Variants in RNF125 observed in about 807,000 individuals in gnomAD.
The protein encoded by RNF125 is ring finger protein 125.
In RNF125, 21 loss-of-function variants were observed where a neutral mutation model predicts 26.0. The ratio of observed to expected loss-of-function variants is 0.81; its 90% CI spans 0.57 to 1.16. RNF125 has a LOEUF of 1.16. Ranked by LOEUF, RNF125 falls within the 50% of genes most tolerant of loss-of-function variation. The pLI, the probability that RNF125 is intolerant of heterozygous loss-of-function variation, is 0.00. For missense variants in RNF125, 270 were observed against 299.4 expected (o/e 0.90, Z 0.72); for synonymous variants, 95 against 109.2 (o/e 0.87, Z 0.81).
At chr18:32,083,066 T>C in the RNF125 span, among the ~76,000 whole-genome samples, 1 of 152,250 alleles carries the variant, frequency 6.6e-6, no homozygotes, top group Admixed American at 6.5e-5. Flanking sequence ...GGTTCTCTGC[T>C]TTACTTTATT....
the RNF125 span, among the ~76,000 whole-genome samples, chr18:32,081,144 A>C: frequency 6.6e-6 from 1 of 150,650 alleles, no homozygotes; most frequent in Non-Finnish European, 1.5e-5. Context: ...CAGTGAGCCA[A>C]GATCTCGCCA....
chr18:32,019,415 C>T (rs1354992293), intron 1 of RNF125, among the ~76,000 whole-genome samples: 1 of 152,100 alleles, frequency 6.6e-6, no homozygotes, highest in Non-Finnish European at 1.5e-5. Context: ...AGCTACAAGG[C>T]AGGGGCTCCC....
At chr18:32,044,151 C>T (rs1212302127) in intron 3 of RNF125, among the ~76,000 whole-genome samples, 1 of 152,062 alleles carries the variant, frequency 6.6e-6, no homozygotes, top group African/African-American at 2.4e-5. Context: ...GGATTACAGG[C>T]GTGTGCCACC....
At chr18:32,033,033 C>T (rs2039114472) in intron 1 of RNF125, among the ~76,000 whole-genome samples, 1 of 152,132 alleles carries the variant, frequency 6.6e-6, no homozygotes, top group Non-Finnish European at 1.5e-5. Context: ...TGACGATACA[C>T]AATGTAGAAA....
At chr18:32,026,242 CT>C (rs1181390375) in intron 1 of RNF125, among the ~76,000 whole-genome samples, 68 of 73,142 alleles carry the variant, frequency 9.3e-4, no homozygotes, top group African/African-American at 1.7e-3. Flanking sequence ...AGCACCCGGT[CT>C]TTTTTTTTTT....
chr18:32,073,304 T>C (rs2039548753), downstream of RNF125: 1 of 152,224 alleles, frequency 6.6e-6, no homozygotes, highest in Non-Finnish European at 1.5e-5. Flanking sequence ...TGTACATTCA[T>C]TTAGGCCAGT....
chr18:32,068,209 C>T, intron 5 of RNF125, 89 bp from the exon 6 acceptor site: 1 of 691,018 alleles, frequency 1.4e-6, no homozygotes, highest in Non-Finnish European at 2.5e-6. Flanking sequence ...TAGTTCCCTA[C>T]AAAATGAGGG....
chr18:32,035,044 A>G (rs1447094556), intron 1 of RNF125, among the ~76,000 whole-genome samples: 1 of 152,166 alleles, frequency 6.6e-6, no homozygotes, highest in Non-Finnish European at 1.5e-5. Context: ...CACTGTGTGC[A>G]GTGTTCAACT....
intron 4 of RNF125, among the ~76,000 whole-genome samples, chr18:32,051,870 A>G (rs915533315): frequency 6.6e-6 from 1 of 151,138 alleles, no homozygotes; most frequent in Non-Finnish European, 1.5e-5. Context: ...TTGCATTTTT[A>G]GTAGAGTTGG....
At chr18:32,079,524 T>G in the RNF125 span, among the ~76,000 whole-genome samples, 2 of 152,222 alleles carry the variant, frequency 1.3e-5, no homozygotes, top group African/African-American at 4.8e-5. Context: ...AGCAAAATTA[T>G]AATGAAGAAA....
At chr18:32,078,984 A>G in the RNF125 span, among the ~76,000 whole-genome samples, 4 of 152,318 alleles carry the variant, frequency 2.6e-5, no homozygotes, top group African/African-American at 9.6e-5. Context: ...TCCCTTGACC[A>G]TACATCTATT....
chr18:32,084,664 T>G, the RNF125 span, among the ~76,000 whole-genome samples: 2 of 152,196 alleles, frequency 1.3e-5, no homozygotes, highest in African/African-American at 4.8e-5. Flanking sequence ...TATCAGAATC[T>G]CAGTTCCACA....
At chr18:32,056,954 A>G (rs964775110) in intron 4 of RNF125, among the ~76,000 whole-genome samples, 2 of 152,166 alleles carry the variant, frequency 1.3e-5, no homozygotes, top group African/African-American at 4.8e-5. Context: ...GAGCTAATAA[A>G]GATTTTTACA....
At chr18:32,065,626 G>A (rs2039477178) in intron 4 of RNF125, among the ~76,000 whole-genome samples, 1 of 151,644 alleles carries the variant, frequency 6.6e-6, no homozygotes, top group Non-Finnish European at 1.5e-5. Flanking sequence ...CTCTGCCTCC[G>A]GGTTCAAGCA....
At chr18:32,068,227 T>C (rs1440339921) in intron 5 of RNF125, 71 bp from the exon 6 acceptor site, 1 of 820,618 alleles carries the variant, frequency 1.2e-6, no homozygotes, top group Non-Finnish European at 2.0e-6. Context: ...GGGTGTTGCA[T>C]TGACCCTCAT....
At chr18:32,037,852 G>A (rs1334801989) in intron 2 of RNF125, among the ~76,000 whole-genome samples, 2 of 152,092 alleles carry the variant, frequency 1.3e-5, no homozygotes, top group Non-Finnish European at 2.9e-5. Context: ...GTAGCCAATC[G>A]CAGGGAGGAT....
chr18:32,063,745 G>A (rs1473715898), intron 4 of RNF125, among the ~76,000 whole-genome samples: 2 of 152,132 alleles, frequency 1.3e-5, no homozygotes, highest in Non-Finnish European at 2.9e-5. Flanking sequence ...CAGTAATAAG[G>A]AGGGAGCTAT....
intron 4 of RNF125, among the ~76,000 whole-genome samples, chr18:32,062,309 C>T (rs2039442531): frequency 6.6e-6 from 1 of 152,164 alleles, no homozygotes; most frequent in Admixed American, 6.6e-5. Context: ...TAAGCAGGTT[C>T]CTTCTCCCAC....
chr18:32,037,339 C>A, intron 2 of RNF125, 70 bp downstream of exon 2: 1 of 770,218 alleles, frequency 1.3e-6, no homozygotes, highest in Non-Finnish European at 2.0e-6. Context: ...CATTTCACCT[C>A]TGCTTCTGAC....
Sources: allele counts gnomAD v4.1 joint callset (sites outside exome capture counted in the v4.1 genomes callset), GRCh38; gene constraint gnomAD v4.1.1; transcripts MANE v1.5; gene names NCBI Gene and HGNC (gene_info 2026-07-23, HGNC 2026-07-21).